The following GUCY1A2 variants were observed in gnomAD, a reference collection of about 807,000 sequenced individuals.
GUCY1A2 encodes the protein guanylate cyclase soluble subunit alpha-2.
Under a neutral mutation model 63.5 loss-of-function variants are expected in GUCY1A2, and 27 were observed. That is an observed-to-expected ratio of 0.43 (90% CI 0.31 to 0.59). The LOEUF is 0.59. Among genes scored for constraint, GUCY1A2 ranks in the 20% least tolerant of loss-of-function variants. The pLI is 0.11. For missense variants in GUCY1A2, 768 were observed against 913.3 expected (o/e 0.84, Z 2.05); for synonymous variants, 364 against 343.5 (o/e 1.06, Z -0.66).
rs1445216464 is a variant in GUCY1A2, at chr11:106,683,764, C to T, written c.*3785G>A. 3 of 219,098 alleles carry T rather than the reference C, an allele frequency of 1.4e-5. No individual in the cohort carries two copies. The highest frequency in any genetic ancestry group is 2.7e-5 in the Non-Finnish European group (3 of 109,138). The allele number at this position is 219,098 out of a possible 1,614,324, so 13.6% of individuals were successfully genotyped here. On this transcript the variant is annotated 3_prime_UTR_variant, in exon 8 of 8. Transcript: ENST00000526355. ...TTTTACTTTTTGCCTTAACCATCCACAACACCTGCTCTCAGAAAGTCAGGG... is the reference window on the plus strand; with the variant it reads ...TTTTACTTTTTGCCTTAACCATCCATAACACCTGCTCTCAGAAAGTCAGGG...
intron 6 of GUCY1A2, among the ~76,000 whole-genome samples, chr11:106,769,309 A>T (rs1337708046): frequency 1.3e-5 from 2 of 152,122 alleles, no homozygotes; most frequent in African/African-American, 4.8e-5. Context: ...GGTATGAAAA[A>T]TTTTGTCAGA....
At position 106,936,785 on chromosome 11, in the gene GUCY1A2, T is replaced by C. The variant is rs898078623; in HGVS notation, c.1206+2675A>G. 5.3e-6 allele frequency: 4 copies of C among 758,780 alleles called. No individual in the cohort carries two copies. The East Asian group carries it at 8.1e-5, about 15-fold the overall frequency. The allele number at this position is 758,780 out of a possible 1,614,324, so 47.0% of individuals were successfully genotyped here. On this transcript the variant is annotated intron_variant, in intron 4 of 7. Transcript: ENST00000526355. ...ATGCACAAACAAAACAGTTAAATTA[T>C]GAGAGCCCTCAATGTTAGAAGAAGG...
chr11:106,776,678 G>T, intron 5 of GUCY1A2, 96 bp from the exon 6 acceptor site: 2 of 1,193,412 alleles, frequency 1.7e-6, no homozygotes, highest in Admixed American at 2.0e-5. Context: ...TGAAAAACAT[G>T]TCGGCAAAAC....
At chr11:106,733,376 T>C (rs1863536076) in intron 6 of GUCY1A2, among the ~76,000 whole-genome samples, 1 of 152,186 alleles carries the variant, frequency 6.6e-6, no homozygotes, top group Admixed American at 6.6e-5. Flanking sequence ...TGAATATTAC[T>C]GCCAATAATA....
chr11:106,935,772 G>A (rs1262564950), intron 4 of GUCY1A2, among the ~76,000 whole-genome samples: 1 of 151,476 alleles, frequency 6.6e-6, no homozygotes, highest in Non-Finnish European at 1.5e-5. Context: ...GCTTGAACTA[G>A]GGAGGTGGAG....
intron 7 of GUCY1A2, among the ~76,000 whole-genome samples, chr11:106,702,417 T>C (rs1591236582): frequency 6.6e-6 from 1 of 152,152 alleles, no homozygotes; most frequent in African/African-American, 2.4e-5. Context: ...CTTCTTGAGT[T>C]TTGTAAGAGA....
chr11:106,819,404 G>A (rs1858872132), intron 4 of GUCY1A2, among the ~76,000 whole-genome samples: 1 of 152,110 alleles, frequency 6.6e-6, no homozygotes, highest in African/African-American at 2.4e-5. Context: ...GATAGGACGA[G>A]TCAATCGATG....
chr11:106,883,811 T>C (rs886574059), intron 4 of GUCY1A2, among the ~76,000 whole-genome samples: 5 of 152,052 alleles, frequency 3.3e-5, no homozygotes, highest in Non-Finnish European at 7.4e-5. Context: ...ATGATTTGAG[T>C]CAGGTGTTGA....
chr11:106,852,209 T>C (rs76243981), intron 4 of GUCY1A2, among the ~76,000 whole-genome samples: 5,776 of 152,038 alleles, frequency 0.038, 577 homozygotes, highest in East Asian at 0.25. Context: ...GAGATTCTTT[T>C]TTATGGGGTC....
chr11:107,002,388 G>GGTGTGTGTGTGTGTGTGTGT (rs71044205), intron 1 of GUCY1A2, among the ~76,000 whole-genome samples: 2 of 149,034 alleles, frequency 1.3e-5, no homozygotes, highest in African/African-American at 4.9e-5. Context: ...AATAAGAACA[G>GGTGTGTGTGTGTGTGTGTGT]GTGTGTGTGT....
At chr11:106,713,496 CTTTTTTTTTT>C (rs143909145) in intron 6 of GUCY1A2, among the ~76,000 whole-genome samples, 3 of 78,352 alleles carry the variant, frequency 3.8e-5, no homozygotes, top group African/African-American at 1.7e-4. Context: ...TAGTATGTTT[CTTTTTTTTTT>C]TTTTTTTTTT....
At chr11:106,714,235 A>G (rs1219829975) in intron 6 of GUCY1A2, among the ~76,000 whole-genome samples, 1 of 152,098 alleles carries the variant, frequency 6.6e-6, no homozygotes, top group African/African-American at 2.4e-5. Flanking sequence ...TTAAAAAAAA[A>G]AGTCTTGTCT....
intron 4 of GUCY1A2, among the ~76,000 whole-genome samples, chr11:106,835,496 G>T (rs1859104605): frequency 6.6e-6 from 1 of 151,690 alleles, no homozygotes; most frequent in African/African-American, 2.4e-5. Flanking sequence ...GGAGAATAAA[G>T]AGAATGGGGA....
intron 6 of GUCY1A2, among the ~76,000 whole-genome samples, chr11:106,726,960 A>G (rs1863419341): frequency 6.6e-6 from 1 of 152,198 alleles, no homozygotes; most frequent in Non-Finnish European, 1.5e-5. Flanking sequence ...AGCTGGATGA[A>G]TAATTTTGGA....
chr11:106,715,641 T>C (rs532818273), intron 6 of GUCY1A2, among the ~76,000 whole-genome samples: 5 of 152,302 alleles, frequency 3.3e-5, no homozygotes, highest in Admixed American at 2.0e-4. Flanking sequence ...CTTCCATCCC[T>C]TCTCCATCTT....
intron 7 of GUCY1A2, among the ~76,000 whole-genome samples, chr11:106,696,116 A>G (rs991262317): frequency 6.6e-6 from 1 of 152,136 alleles, no homozygotes; most frequent in Non-Finnish European, 1.5e-5. Flanking sequence ...TTCCTATTTG[A>G]GTGGCAAAAC....
intron 3 of GUCY1A2, among the ~76,000 whole-genome samples, chr11:106,964,860 G>A (rs1468333937): frequency 2.0e-5 from 3 of 152,072 alleles, no homozygotes; most frequent in African/African-American, 7.2e-5. Flanking sequence ...GGCACCTGTA[G>A]TCCCAGCTAC....
chr11:106,684,763 G>A lies in GUCY1A2; in HGVS notation c.*2786C>T, dbSNP rs1862492499. ...CAATTTAATATCATTTGGTTTCTAA[G>A]GGAACATCACACAAATTTCTTGTAT... On this transcript the variant is annotated 3_prime_UTR_variant, in exon 8 of 8. Transcript: ENST00000526355. 4.8e-6 allele frequency: 1 copy of A among 206,306 alleles called. No individual in the cohort carries two copies. The highest frequency in any genetic ancestry group is 1.9e-4 in the South Asian group (1 of 5,290). The allele number at this position is 206,306 out of a possible 1,614,324, so 12.8% of individuals were successfully genotyped here.
At chr11:106,922,613 C>CTTA (rs1048437562) in intron 4 of GUCY1A2, among the ~76,000 whole-genome samples, 2 of 140,390 alleles carry the variant, frequency 1.4e-5, no homozygotes, top group African/African-American at 2.7e-5. Flanking sequence ...TCAAATTGTC[C>CTTA]TTATTATAAT....
Sources: allele counts gnomAD v4.1 joint callset (sites outside exome capture counted in the v4.1 genomes callset), GRCh38; gene constraint gnomAD v4.1.1; transcripts MANE v1.5; gene names NCBI Gene and HGNC (gene_info 2026-07-23, HGNC 2026-07-21).